Variants in TBCD observed in about 807,000 individuals in gnomAD.
The protein encoded by TBCD is tubulin folding cofactor D.
TBCD carries 105 observed loss-of-function variants against 169.3 expected under a neutral mutation model. That is an observed-to-expected ratio of 0.62 (90% CI 0.53 to 0.73). The LOEUF is 0.73. TBCD is among the 30% of genes least tolerant of loss of function. TBCD has a pLI of 0.00. For synonymous variants in TBCD, 700 were observed against 643.9 expected (o/e 1.09, Z -1.32); for missense variants, 1,444 against 1,600.1 (o/e 0.90, Z 1.66).
intron 13 of TBCD, among the ~76,000 whole-genome samples, chr17:82,817,965 T>C (rs896670338): frequency 6.6e-6 from 1 of 152,162 alleles, no homozygotes; most frequent in Non-Finnish European, 1.5e-5. Flanking sequence ...TGTGTGTGAA[T>C]GTGTAGCTGG....
At chr17:82,774,969 TCTTA>T (rs951510421) in intron 6 of TBCD, among the ~76,000 whole-genome samples, 1 of 152,220 alleles carries the variant, frequency 6.6e-6, no homozygotes, top group Admixed American at 6.5e-5. Context: ...CTGCTTTTAT[TCTTA>T]CTTTTCTTAG....
chr17:82,758,978 T>C (rs2047604299), intron 2 of TBCD, among the ~76,000 whole-genome samples: 2 of 151,804 alleles, frequency 1.3e-5, no homozygotes, highest in Non-Finnish European at 2.9e-5. Context: ...TGCCTTTTAA[T>C]ATTGTGTCTG....
chr17:82,831,768 C>A lies in TBCD; in HGVS notation c.1318+16834C>A, dbSNP rs1292125456. On this transcript the variant is annotated intron_variant, in intron 13 of 38. Coordinates refer to ENST00000355528, the MANE Select transcript of TBCD (RefSeq NM_005993.5). The surrounding 1 kb of genome is among the most constrained non-coding windows in gnomAD (Gnocchi z 4.6). ...TGGGGTGCATGTAAGGGGAAATGGC[C>A]CCAAGCCCCTTTGTAGATGAGATTT... 1 of 1,613,986 alleles carries A rather than the reference C, an allele frequency of 6.2e-7. No individual in the cohort carries two copies. The highest frequency in any genetic ancestry group is 8.5e-7 in the Non-Finnish European group (1 of 1,180,022).
intron 6 of TBCD, among the ~76,000 whole-genome samples, chr17:82,779,602 C>T (rs1489024744): frequency 9.2e-5 from 14 of 152,142 alleles, no homozygotes; most frequent in Non-Finnish European, 4.4e-5. Flanking sequence ...GGGCCATGAC[C>T]GAGTAGGATG....
chr17:82,859,709 G>A (rs1307341284), intron 13 of TBCD: 2 of 985,348 alleles, frequency 2.0e-6, no homozygotes, highest in Non-Finnish European at 2.4e-6. Context: ...CCCGCCGGGA[G>A]TGTGGCTGTG....
At chr17:82,900,987 T>C (rs1489326804) in intron 18 of TBCD, among the ~76,000 whole-genome samples, 1 of 152,364 alleles carries the variant, frequency 6.6e-6, no homozygotes, top group South Asian at 2.1e-4. Context: ...GCTGGCGTGT[T>C]GTGGAGTGCC....
chr17:82,781,243 A>G (rs545484313), intron 6 of TBCD, among the ~76,000 whole-genome samples: 3 of 115,782 alleles, frequency 2.6e-5, no homozygotes, highest in South Asian at 3.2e-4. Context: ...GGGAGGAGGG[A>G]GGGGCTGAGA....
chr17:82,869,599 G>C (rs927544055), intron 13 of TBCD, among the ~76,000 whole-genome samples: 2 of 152,232 alleles, frequency 1.3e-5, no homozygotes, highest in Admixed American at 1.3e-4. Flanking sequence ...GAGCTGGAAG[G>C]ATAATCCACA....
chr17:82,866,531 T>C (rs1189884002), intron 13 of TBCD, among the ~76,000 whole-genome samples: 1 of 152,160 alleles, frequency 6.6e-6, no homozygotes, highest in Non-Finnish European at 1.5e-5. Flanking sequence ...TGTGCTGGCG[T>C]GTGGGGCCCT....
rs569286722 is a variant in TBCD at position 82,768,537 on chromosome 17, A to G, written c.553A>G (p.Ile185Val). ...CCAGCCTGGGCAAGCACGAATGTCC[A>G]TAATGGACCGTATTCTCCAAATAGC... is the stretch of plus-strand genomic sequence containing the variant. ...LTQPGQARMS[I>V]MDRILQIAES... The change falls in exon 5 of 39, where the codon ATA (isoleucine) becomes GTA (valine). Residue 185 changes from isoleucine to valine, a missense_variant. By Grantham distance (29) the Ile-to-Val change is conservative (BLOSUM62 3). Transcript: ENST00000355528. The G allele has an allele frequency of 1.8e-4, 287 of 1,613,948 alleles. No individual in the cohort carries two copies. The highest frequency in any genetic ancestry group is 2.4e-4 in the Non-Finnish European group (278 of 1,179,904).
intron 6 of TBCD, 82 bp from the exon 7 acceptor site, chr17:82,781,507 G>C (rs962097415): frequency 6.4e-7 from 1 of 1,556,296 alleles, no homozygotes; most frequent in African/African-American, 1.3e-5. Flanking sequence ...GCCTGGGGAG[G>C]TGGGTGTGTG....
chr17:82,791,196 A>G (rs2049702715), intron 7 of TBCD, among the ~76,000 whole-genome samples: 1 of 146,550 alleles, frequency 6.8e-6, no homozygotes. Context: ...GGTTCACGCC[A>G]TTCTCCTGGC....
chr17:82,849,713 C>T (rs1022458223), intron 13 of TBCD, among the ~76,000 whole-genome samples: 12 of 152,246 alleles, frequency 7.9e-5, no homozygotes, highest in Non-Finnish European at 1.2e-4. Flanking sequence ...TGGTGCCACA[C>T]GGGTCCCTCT....
intron 13 of TBCD, among the ~76,000 whole-genome samples, chr17:82,851,957 C>T (rs182345471): frequency 6.6e-6 from 1 of 152,270 alleles, no homozygotes; most frequent in East Asian, 1.9e-4. Flanking sequence ...TAAGCGGGAA[C>T]GATTACTGTT....
At chr17:82,774,636 C>CG (rs2048477930) in intron 6 of TBCD, among the ~76,000 whole-genome samples, 1 of 152,016 alleles carries the variant, frequency 6.6e-6, no homozygotes. Flanking sequence ...CGGGCAGAGG[C>CG]ACCCCCCACC....
At chr17:82,906,474 AC>A (rs1369718479) in intron 20 of TBCD, among the ~76,000 whole-genome samples, 3 of 152,250 alleles carry the variant, frequency 2.0e-5, no homozygotes, top group Non-Finnish European at 4.4e-5. Flanking sequence ...CAGAGAATAT[AC>A]ACGTTTCTTT....
chr17:82,931,364 C>T (rs1333382948), intron 33 of TBCD, among the ~76,000 whole-genome samples: 1 of 152,244 alleles, frequency 6.6e-6, no homozygotes, highest in Non-Finnish European at 1.5e-5. Flanking sequence ...TAAAATCTTC[C>T]CCAGTCAGGA....
intron 5 of TBCD, among the ~76,000 whole-genome samples, chr17:82,769,255 C>T (rs2048180653): frequency 6.6e-6 from 1 of 152,198 alleles, no homozygotes; most frequent in African/African-American, 2.4e-5. Context: ...GCCACCTGGG[C>T]CCCTCCAACT....
Position 82,932,712 on chromosome 17 carries a change from C to T in TBCD, c.3168C>T (p.Phe1056=), listed in dbSNP as rs781356024. 1.8e-5 allele frequency: 29 copies of T among 1,613,822 alleles called. No homozygotes were observed. Among genetic ancestry groups the T allele is most frequent in the Non-Finnish European group, 2.1e-5 (25 of 1,179,904 alleles). Residue 1056 remains phenylalanine, a synonymous_variant, in exon 34 of 39, where the codon TTC becomes TTT. Coordinates refer to ENST00000355528, the MANE Select transcript of TBCD (RefSeq NM_005993.5). ...ACCACGTGCTCACCCACGGCTGCTT[C>T]GACATCTTCACCACGGAGGAGGAGT... is the stretch of plus-strand genomic sequence containing the variant. The part of the protein sequence containing the change: ...TLDHVLTHGC[F]DIFTTEEDHP...
Sources: gnomAD v4.1 joint callset for allele counts (sites outside exome capture counted in the v4.1 genomes callset) on GRCh38, gnomAD v4.1.1 for gene constraint, Gnocchi (gnomAD v3.1) non-coding constraint, MANE v1.5 for transcripts, NCBI Gene and HGNC (gene_info 2026-07-23, HGNC 2026-07-21) for gene names.